KCNIP1: variants seen among roughly 807,000 people sequenced by gnomAD.
The protein encoded by KCNIP1 is potassium voltage-gated channel interacting protein 1, also known as A-type potassium channel modulatory protein KCNIP1.
A neutral mutation model predicts 33.0 loss-of-function variants in KCNIP1; 18 were observed. That is an observed-to-expected ratio of 0.55 (90% confidence interval 0.38 to 0.81). The LOEUF (loss-of-function observed/expected upper bound fraction) is 0.81. Among genes scored for constraint, KCNIP1 ranks in the 30% least tolerant of loss-of-function variants. The pLI, the probability that KCNIP1 is intolerant of heterozygous loss-of-function variation, is 0.00. For synonymous variants in KCNIP1, 93 were observed against 98.3 expected (o/e 0.95, Z 0.32); for missense variants, 238 against 271.6 (o/e 0.88, Z 0.87).
At chr5:170,708,482 T>C (rs1387262714) in intron 1 of KCNIP1, among the ~76,000 whole-genome samples, 1 of 152,238 alleles carries the variant, frequency 6.6e-6, no homozygotes, top group Admixed American at 6.5e-5. Context: ...TTCTTTTAAA[T>C]TTTCCCCTGG....
At chr5:170,500,469 G>A (rs1203902208), upstream of KCNIP1, among the ~76,000 whole-genome samples, 1 of 151,854 alleles carries the variant, frequency 6.6e-6, no homozygotes, top group Non-Finnish European at 1.5e-5. Context: ...AGTACATCAT[G>A]GGAGGGACAA....
At chr5:170,679,849 G>GT (rs1217555495) in intron 1 of KCNIP1, among the ~76,000 whole-genome samples, 1 of 151,888 alleles carries the variant, frequency 6.6e-6, no homozygotes, top group Non-Finnish European at 1.5e-5. Flanking sequence ...TATGGAACCA[G>GT]TTTTCTCACC....
intron 1 of KCNIP1, among the ~76,000 whole-genome samples, chr5:170,623,736 A>G (rs1235466796): frequency 6.6e-6 from 1 of 152,170 alleles, no homozygotes; most frequent in Non-Finnish European, 1.5e-5. Context: ...AAATGGCGTG[A>G]CGGCGCTGCC....
At chr5:170,731,868 G>A (rs1243152066) in intron 5 of KCNIP1, among the ~76,000 whole-genome samples, 196 of 15,944 alleles carry the variant, frequency 0.012, no homozygotes, top group Non-Finnish European at 0.02. Context: ...GCGAGACTCC[G>A]TCTCAAAAAA....
chr5:170,689,734 A>G (rs1019776725), intron 1 of KCNIP1, among the ~76,000 whole-genome samples: 9 of 152,240 alleles, frequency 5.9e-5, no homozygotes, highest in Non-Finnish European at 1.2e-4. Context: ...AAGCATGTTC[A>G]GGAAAAGACA....
At chr5:170,645,528 G>C (rs550342040) in intron 1 of KCNIP1, among the ~76,000 whole-genome samples, 17 of 152,154 alleles carry the variant, frequency 1.1e-4, no homozygotes, top group Non-Finnish European at 1.2e-4. Flanking sequence ...TACACTTGGA[G>C]GCCTTAACAC....
At chr5:170,560,504 T>A (rs1278993352) in intron 1 of KCNIP1, among the ~76,000 whole-genome samples, 1 of 152,104 alleles carries the variant, frequency 6.6e-6, no homozygotes, top group African/African-American at 2.4e-5. Flanking sequence ...AGGTCTCGGT[T>A]CTGGACTCCT....
chr5:170,548,587 A>G (rs1371903901), intron 1 of KCNIP1, among the ~76,000 whole-genome samples: 5 of 152,328 alleles, frequency 3.3e-5, no homozygotes, highest in East Asian at 3.9e-4. Context: ...CAAATTCTTG[A>G]AGAAAATGAG....
intron 1 of KCNIP1, among the ~76,000 whole-genome samples, chr5:170,583,369 G>A (rs1757868728): frequency 1.3e-5 from 2 of 152,156 alleles, no homozygotes; most frequent in Non-Finnish European, 2.9e-5. Flanking sequence ...CCTTCCCAGT[G>A]CCTTGTGTAT....
At chr5:170,696,699 A>T (rs1314675014) in intron 1 of KCNIP1, among the ~76,000 whole-genome samples, 2 of 152,170 alleles carry the variant, frequency 1.3e-5, no homozygotes, top group Non-Finnish European at 2.9e-5. Context: ...ACATGCAAAG[A>T]TGTGGAAGTG....
intron 1 of KCNIP1, among the ~76,000 whole-genome samples, chr5:170,419,943 T>C (rs1013459748): frequency 6.6e-6 from 1 of 152,222 alleles, no homozygotes; most frequent in Non-Finnish European, 1.5e-5. Context: ...GGCCATGCTC[T>C]TTTCACTTTG....
chr5:170,535,075 G>A (rs1755930252), intron 1 of KCNIP1, among the ~76,000 whole-genome samples: 1 of 152,136 alleles, frequency 6.6e-6, no homozygotes, highest in Admixed American at 6.5e-5. Flanking sequence ...CTCAGCCAGT[G>A]GGCACAGCAG....
At chr5:170,642,495 G>T (rs1023498366) in intron 1 of KCNIP1, among the ~76,000 whole-genome samples, 2 of 152,200 alleles carry the variant, frequency 1.3e-5, no homozygotes, top group African/African-American at 4.8e-5. Flanking sequence ...GAGTAACTGT[G>T]GGAGCAGCAC....
intron 1 of KCNIP1, among the ~76,000 whole-genome samples, chr5:170,601,027 C>T (rs1224197860): frequency 6.6e-6 from 1 of 152,192 alleles, no homozygotes; most frequent in African/African-American, 2.4e-5. Flanking sequence ...AGTCACTTAG[C>T]CTCTCTGAGT....
intron 1 of KCNIP1, chr5:170,385,582 T>A: frequency 9.7e-7 from 1 of 1,030,662 alleles, no homozygotes; most frequent in Non-Finnish European, 1.4e-6. Flanking sequence ...TCACTCTTGT[T>A]TATATTTGGA....
intron 1 of KCNIP1, among the ~76,000 whole-genome samples, chr5:170,565,610 A>G (rs1757178059): frequency 6.6e-6 from 1 of 152,222 alleles, no homozygotes; most frequent in South Asian, 2.1e-4. Context: ...ACTGTTAGAC[A>G]CTTTATACAC....
chr5:170,589,763 GTGTGGTGTGGTGTGGTGTGA>G (rs1758147515), intron 1 of KCNIP1, among the ~76,000 whole-genome samples: 1 of 127,384 alleles, frequency 7.9e-6, no homozygotes, highest in African/African-American at 3.1e-5. Context: ...GTGTGGTGTG[GTGTGGTGTGGTGTGGTGTGA>G]TGTGATGTGG....
intron 1 of KCNIP1, among the ~76,000 whole-genome samples, chr5:170,596,061 A>G (rs1758430664): frequency 6.6e-6 from 1 of 152,232 alleles, no homozygotes; most frequent in South Asian, 2.1e-4. Context: ...CAGGGACTCA[A>G]AAAGTTGTTT....
intron 1 of KCNIP1, among the ~76,000 whole-genome samples, chr5:170,363,553 T>G: frequency 6.6e-6 from 1 of 152,198 alleles, no homozygotes. Flanking sequence ...ACCTTAATCT[T>G]GGACTTTCAG....
Sources: gnomAD v4.1 joint callset for allele counts (sites outside exome capture counted in the v4.1 genomes callset) on GRCh38, gnomAD v4.1.1 for gene constraint, MANE v1.5 for transcripts, NCBI Gene and HGNC (gene_info 2026-07-23, HGNC 2026-07-21) for gene names.